MMP16: variants seen among roughly 807,000 people sequenced by gnomAD.
MMP16 encodes the protein matrix metalloproteinase-16.
A neutral mutation model predicts 67.8 loss-of-function variants in MMP16; 12 were observed. That is an observed-to-expected ratio of 0.18 (90% confidence interval 0.11 to 0.29). MMP16 has a LOEUF of 0.29. MMP16 is among the 10% of genes least tolerant of loss of function. The pLI is 1.00. For synonymous variants in MMP16, 249 were observed against 255.9 expected (o/e 0.97, Z 0.26); for missense variants, 475 against 765.7 (o/e 0.62, Z 4.48).
At chr8:88,135,618 G>A (rs1362445516) in intron 4 of MMP16, among the ~76,000 whole-genome samples, 1 of 151,772 alleles carries the variant, frequency 6.6e-6, no homozygotes, top group Non-Finnish European at 1.5e-5. Context: ...CAAGTGTCAT[G>A]GATGACATAA....
At chr8:88,236,308 C>G (rs2129886243) in intron 1 of MMP16, among the ~76,000 whole-genome samples, 1 of 152,324 alleles carries the variant, frequency 6.6e-6, no homozygotes, top group African/African-American at 2.4e-5. Context: ...TCTATACTCC[C>G]TTAGGTTTCT....
intron 8 of MMP16, among the ~76,000 whole-genome samples, chr8:88,051,665 G>A (rs1808272851): frequency 6.6e-6 from 1 of 152,058 alleles, no homozygotes; most frequent in South Asian, 2.1e-4. Context: ...TAACACTTAA[G>A]CTGGAAGAAA....
At chr8:88,157,142 T>A (rs561477618) in intron 4 of MMP16, among the ~76,000 whole-genome samples, 3 of 152,194 alleles carry the variant, frequency 2.0e-5, no homozygotes, top group Non-Finnish European at 1.5e-5. Context: ...TCCATGGCTT[T>A]TGCATCTATG....
chr8:88,168,725 G>T (rs1176982275), intron 3 of MMP16, among the ~76,000 whole-genome samples: 1 of 151,918 alleles, frequency 6.6e-6, no homozygotes, highest in Non-Finnish European at 1.5e-5. Context: ...AATGGAACTA[G>T]TATTTGTATT....
chr8:88,184,259 T>A (rs1276140289), intron 3 of MMP16, among the ~76,000 whole-genome samples: 2 of 152,036 alleles, frequency 1.3e-5, no homozygotes, highest in African/African-American at 4.8e-5. Context: ...GGTTTTTAGG[T>A]TTCTTTCTTT....
chr8:88,166,027 G>A (rs1808705202), intron 4 of MMP16, among the ~76,000 whole-genome samples: 1 of 151,994 alleles, frequency 6.6e-6, no homozygotes, highest in Non-Finnish European at 1.5e-5. Flanking sequence ...TGGAAAACAT[G>A]AACAGTTATT....
At chr8:88,142,891 T>C (rs1453440170) in intron 4 of MMP16, among the ~76,000 whole-genome samples, 1 of 152,186 alleles carries the variant, frequency 6.6e-6, no homozygotes, top group African/African-American at 2.4e-5. Flanking sequence ...GATTGTTCTA[T>C]TGTCAATAGA....
intron 1 of MMP16, among the ~76,000 whole-genome samples, chr8:88,255,291 G>A (rs1437236737): frequency 1.3e-5 from 2 of 152,104 alleles, no homozygotes; most frequent in Non-Finnish European, 1.5e-5. Context: ...TAATACACCA[G>A]ATCCCCCTTC....
chr8:88,196,818 T>A (rs1809264233), intron 2 of MMP16, among the ~76,000 whole-genome samples: 2 of 152,130 alleles, frequency 1.3e-5, no homozygotes, highest in African/African-American at 4.8e-5. Flanking sequence ...TGGGAAGCCA[T>A]GTGTACAATA....
At chr8:88,309,388 T>C (rs1008845000) in intron 1 of MMP16, among the ~76,000 whole-genome samples, 1 of 151,688 alleles carries the variant, frequency 6.6e-6, no homozygotes, top group African/African-American at 2.4e-5. Context: ...TAATGCATTT[T>C]TATGGGAAGG....
intron 1 of MMP16, among the ~76,000 whole-genome samples, chr8:88,315,932 C>G (rs1811369370): frequency 6.6e-6 from 1 of 152,262 alleles, no homozygotes; most frequent in African/African-American, 2.4e-5. Flanking sequence ...CCAGTGAACA[C>G]ACAAATGATA....
intron 1 of MMP16, among the ~76,000 whole-genome samples, chr8:88,236,735 G>A (rs1809946864): frequency 6.6e-6 from 1 of 151,916 alleles, no homozygotes; most frequent in Non-Finnish European, 1.5e-5. Context: ...GGTAAAAAGC[G>A]AGACTCTGAA....
chr8:88,260,599 CAAATA>C (rs1470115908), intron 1 of MMP16, among the ~76,000 whole-genome samples: 2 of 151,730 alleles, frequency 1.3e-5, no homozygotes, highest in African/African-American at 2.4e-5. Flanking sequence ...TATCAGTTTA[CAAATA>C]AAATTCAAAG....
At chr8:88,168,172 AC>A (rs1408511628) in intron 3 of MMP16, among the ~76,000 whole-genome samples, 199 bp from the exon 4 acceptor site, 3 of 152,176 alleles carry the variant, frequency 2.0e-5, no homozygotes, top group Non-Finnish European at 4.4e-5. Context: ...GTATTCATGT[AC>A]CAAAGTTTTA....
intron 6 of MMP16, among the ~76,000 whole-genome samples, chr8:88,094,976 T>A (rs1809001149): frequency 6.6e-6 from 1 of 151,844 alleles, no homozygotes; most frequent in Admixed American, 6.6e-5. Flanking sequence ...CTTATTTCAT[T>A]CACAGTAGTT....
intron 1 of MMP16, among the ~76,000 whole-genome samples, chr8:88,215,510 T>C (rs1460177396): frequency 4.6e-5 from 7 of 152,082 alleles, no homozygotes; most frequent in African/African-American, 1.4e-4. Flanking sequence ...GGAAGCTCTA[T>C]CCACAGAGAA....
chr8:88,138,033 A>C (rs1808151267), intron 4 of MMP16, among the ~76,000 whole-genome samples: 1 of 151,976 alleles, frequency 6.6e-6, no homozygotes, highest in Non-Finnish European at 1.5e-5. Context: ...TTTTAGTTAT[A>C]TATGTCACAA....
At chr8:88,074,885 A>G (rs1164543707) in intron 6 of MMP16, 142 bp from the exon 7 acceptor site, 4 of 1,104,062 alleles carry the variant, frequency 3.6e-6, no homozygotes, top group African/African-American at 1.6e-5. Context: ...AGAGCTAAAC[A>G]ACTTGACCGC....
In MMP16 at chr8:88,192,164, T is replaced by C. The variant is rs1239557301; in HGVS notation, c.281+4994A>G. 2.6e-5 allele frequency among the ~76,000 whole-genome samples: 4 copies of C among 152,120 alleles called. No individual in the cohort carries two copies. In the South Asian group the frequency reaches 6.2e-4, roughly 24 times the overall value. On this transcript the variant is annotated intron_variant, in intron 2 of 9. Transcript: ENST00000286614. ...TTAATTACTTTAAAAAATCCTTAGG[T>C]TTTATTTGTATTCATAGAGTCAAGT...
Sources: gnomAD v4.1 joint callset for allele counts (sites outside exome capture counted in the v4.1 genomes callset) on GRCh38, gnomAD v4.1.1 for gene constraint, MANE v1.5 for transcripts, NCBI Gene and HGNC (gene_info 2026-07-23, HGNC 2026-07-21) for gene names.